Variants in COBL observed in about 807,000 individuals in gnomAD.
COBL encodes the protein protein cordon-bleu.
COBL carries 51 observed loss-of-function variants against 98.8 expected under a neutral mutation model. That is an observed-to-expected ratio of 0.52 (90% CI 0.41 to 0.65). The LOEUF is 0.65. Among genes scored for constraint, COBL ranks in the 30% least tolerant of loss-of-function variants. The pLI, the probability that COBL is intolerant of heterozygous loss-of-function variation, is 0.00. For missense variants in COBL, 1,617 were observed against 1,617.5 expected (o/e 1.00, Z 0.01); for synonymous variants, 634 against 651.7 (o/e 0.97, Z 0.41).
intron 5 of COBL, among the ~76,000 whole-genome samples, chr7:51,147,429 G>A (rs577352921): frequency 9.8e-5 from 15 of 152,290 alleles, no homozygotes; most frequent in African/African-American, 2.4e-4. Flanking sequence ...AGAGTACACC[G>A]AACAAAGGAG....
chr7:51,141,595 C>T (rs1799752777), intron 5 of COBL, among the ~76,000 whole-genome samples: 1 of 151,948 alleles, frequency 6.6e-6, no homozygotes, highest in Admixed American at 6.6e-5. Context: ...AGCCTCCTCT[C>T]CTTAGACGAT....
intron 6 of COBL, among the ~76,000 whole-genome samples, chr7:51,102,698 G>A (rs1795910709): frequency 6.6e-6 from 1 of 152,184 alleles, no homozygotes; most frequent in Admixed American, 6.5e-5. Context: ...ATAAGAAAAT[G>A]AGCAGGATTC....
chr7:51,240,794 C>G (rs1195257563), intron 1 of COBL, among the ~76,000 whole-genome samples: 1 of 152,176 alleles, frequency 6.6e-6, no homozygotes, highest in Non-Finnish European at 1.5e-5. Context: ...CTACCCACCT[C>G]GGCTTCCCAA....
intron 6 of COBL, among the ~76,000 whole-genome samples, chr7:51,129,488 CA>C (rs1562945551): frequency 6.6e-6 from 1 of 151,990 alleles, no homozygotes; most frequent in African/African-American, 2.4e-5. Context: ...ATGACCCACA[CA>C]TGTTTGGTAA....
intron 4 of COBL, among the ~76,000 whole-genome samples, chr7:51,190,255 G>C (rs1789966184): frequency 6.6e-6 from 1 of 152,084 alleles, no homozygotes; most frequent in African/African-American, 2.4e-5. Context: ...TGTCACCTAG[G>C]CTGAGGGCAA....
At chr7:51,314,918 G>A (rs933476177) in intron 1 of COBL, among the ~76,000 whole-genome samples, 6 of 152,210 alleles carry the variant, frequency 3.9e-5, no homozygotes, top group African/African-American at 1.4e-4. Context: ...GTACCAGGCT[G>A]AAAAGAGTGC....
chr7:51,265,748 G>T (rs557946249), intron 1 of COBL, among the ~76,000 whole-genome samples: 48 of 152,302 alleles, frequency 3.2e-4, no homozygotes, highest in African/African-American at 1.1e-3. Context: ...CTCCCTCCCT[G>T]CCCCGGCTCT....
chr7:51,155,422 T>A (rs1213434366), intron 5 of COBL, among the ~76,000 whole-genome samples: 1 of 151,598 alleles, frequency 6.6e-6, no homozygotes, highest in East Asian at 1.9e-4. Context: ...ACCCCATCTC[T>A]ACTAAAAATA....
chr7:51,264,685 A>G (rs1395370867), intron 1 of COBL, among the ~76,000 whole-genome samples: 1 of 136,204 alleles, frequency 7.3e-6, no homozygotes, highest in African/African-American at 3.7e-5. Flanking sequence ...AAAAAAAAAA[A>G]AAAAAAAAAA....
intron 1 of COBL, among the ~76,000 whole-genome samples, chr7:51,251,643 T>C (rs1035871002): frequency 6.6e-6 from 1 of 152,210 alleles, no homozygotes; most frequent in African/African-American, 2.4e-5. Flanking sequence ...GATTATTGCC[T>C]GGCATGGACA....
chr7:51,275,408 C>T lies in COBL; in HGVS notation c.41+41185G>A, dbSNP rs182619808. On this transcript the variant is annotated intron_variant, in intron 1 of 12. Coordinates refer to ENST00000265136, the MANE Select transcript of COBL (RefSeq NM_015198.5). ...AAGGTTCAGTACTCCCTTTTTACAA[C>T]GAGGATTTGTTTTTGATTGCTGGGG... 1.9e-3 allele frequency among the ~76,000 whole-genome samples: 284 copies of T among 152,304 alleles called. 1 individual carries two copies. The highest frequency in any genetic ancestry group is 6.5e-3 in the African/African-American group (271 of 41,570).
intron 5 of COBL, among the ~76,000 whole-genome samples, chr7:51,146,781 A>G (rs1785074275): frequency 6.6e-6 from 1 of 152,178 alleles, no homozygotes; most frequent in African/African-American, 2.4e-5. Context: ...CGCAAGGAAT[A>G]CGGGATATTC....
At chr7:51,147,948 T>C (rs577972099) in intron 5 of COBL, among the ~76,000 whole-genome samples, 3 of 151,852 alleles carry the variant, frequency 2.0e-5, no homozygotes, top group South Asian at 2.1e-4. Flanking sequence ...ATTTTTAGTA[T>C]AGACGGGGTT....
intron 1 of COBL, among the ~76,000 whole-genome samples, chr7:51,234,081 G>A (rs1444763428): frequency 6.6e-6 from 1 of 152,146 alleles, no homozygotes; most frequent in Admixed American, 6.5e-5. Flanking sequence ...GAAATAAGAG[G>A]CCCAGAGCCA....
intron 7 of COBL, among the ~76,000 whole-genome samples, chr7:51,067,405 A>G (rs750070456): frequency 6.6e-6 from 1 of 152,254 alleles, no homozygotes; most frequent in Non-Finnish European, 1.5e-5. Flanking sequence ...GTATGTATGC[A>G]TAGATGTTTA....
chr7:51,084,487 A>C (rs1794007481), intron 7 of COBL, among the ~76,000 whole-genome samples: 1 of 152,142 alleles, frequency 6.6e-6, no homozygotes, highest in South Asian at 2.1e-4. Context: ...ACAAATGCTG[A>C]ATGATTTAAA....
chr7:51,178,176 CTCTCTATA>C (rs1788590287), intron 5 of COBL, among the ~76,000 whole-genome samples: 1 of 151,936 alleles, frequency 6.6e-6, no homozygotes, highest in Non-Finnish European at 1.5e-5. Flanking sequence ...CTCCCTCTCT[CTCTCTATA>C]TATATATATA....
intron 6 of COBL, among the ~76,000 whole-genome samples, chr7:51,100,940 C>CGCA (rs1219240501): frequency 7.8e-4 from 118 of 151,736 alleles, no homozygotes; most frequent in African/African-American, 2.8e-3. Context: ...CAAAAAAAAA[C>CGCA]GCAGCAGCAG....
At chr7:51,206,172 C>G in intron 2 of COBL, among the ~76,000 whole-genome samples, 1 of 152,134 alleles carries the variant, frequency 6.6e-6, no homozygotes, top group African/African-American at 2.4e-5. Context: ...ATATAACCCA[C>G]CAATCCCAGT....
Sources: gnomAD v4.1 joint callset for allele counts (sites outside exome capture counted in the v4.1 genomes callset) on GRCh38, gnomAD v4.1.1 for gene constraint, MANE v1.5 for transcripts, NCBI Gene and HGNC (gene_info 2026-07-23, HGNC 2026-07-21) for gene names.